The following NRF1 variants were observed in gnomAD, a reference collection of about 807,000 sequenced individuals.
NRF1 encodes the protein nuclear respiratory factor 1.
Under a neutral mutation model 58.5 loss-of-function variants are expected in NRF1, and 5 were observed. The ratio of observed to expected loss-of-function variants is 0.09; its 90% confidence interval spans 0.04 to 0.18. The LOEUF is 0.18. Ranked by LOEUF, NRF1 falls within the 10% of genes least tolerant of loss-of-function variation. The pLI is 1.00. For synonymous variants in NRF1, 224 were observed against 246.7 expected (o/e 0.91, Z 0.86); for missense variants, 288 against 657.7 (o/e 0.44, Z 6.15).
At chr7:129,692,589 AATTT>A (rs770772561) in intron 5 of NRF1, among the ~76,000 whole-genome samples, 1 of 152,030 alleles carries the variant, frequency 6.6e-6, no homozygotes, top group Non-Finnish European at 1.5e-5. Context: ...TGAATGAATA[AATTT>A]ATTTATTTAT....
chr7:129,700,308 G>A (rs1802791075), intron 5 of NRF1, among the ~76,000 whole-genome samples: 1 of 152,032 alleles, frequency 6.6e-6, no homozygotes, highest in South Asian at 2.1e-4. Context: ...TTTTAGTTTG[G>A]TGGTTCTCAA....
At chr7:129,619,289 G>C (rs1800718517) in intron 1 of NRF1, among the ~76,000 whole-genome samples, 1 of 149,204 alleles carries the variant, frequency 6.7e-6, no homozygotes, top group South Asian at 2.1e-4. Context: ...AATGCCGGAG[G>C]ATCGCTTGAA....
chr7:129,675,472 T>A (rs755197532), intron 3 of NRF1, among the ~76,000 whole-genome samples: 1 of 152,236 alleles, frequency 6.6e-6, no homozygotes, highest in Non-Finnish European at 1.5e-5. Context: ...GGAATCACTA[T>A]AGCAGCTATA....
chr7:129,663,249 G>A (rs1044033532), intron 2 of NRF1, among the ~76,000 whole-genome samples: 26 of 152,114 alleles, frequency 1.7e-4, no homozygotes, highest in South Asian at 4.1e-4. Flanking sequence ...ATCATGGCCC[G>A]CTCTCGATGG....
intron 4 of NRF1, among the ~76,000 whole-genome samples, chr7:129,680,636 T>C (rs1411230004): frequency 1.3e-5 from 2 of 152,232 alleles, no homozygotes; most frequent in African/African-American, 4.8e-5. Flanking sequence ...AGTACTGATA[T>C]TATACTACAG....
In NRF1 at chr7:129,710,471, A is replaced by C; in HGVS notation, c.863A>C (p.Gln288Pro). The change falls in exon 7 of 11, where the codon CAA becomes CCA. Residue 288 changes from glutamine (Q) to proline (P), a missense_variant. This residue lies in a region of NRF1 where 212 missense variants were observed against 559.7 expected (regional missense o/e 0.38). Transcript: ENST00000393232. ...LLYAFEDQQT[Q>P]TQATATHSIA... ...TATGCCTTTGAAGATCAGCAAACGC[A>C]AACACAGGCCACAGCCACACATAGT... 6.2e-7 allele frequency: 1 copy of C among 1,613,682 alleles called. No homozygotes were observed. The highest frequency in any genetic ancestry group is 2.2e-5 in the East Asian group (1 of 44,874).
At chr7:129,699,788 G>A (rs1422775931) in intron 5 of NRF1, among the ~76,000 whole-genome samples, 6 of 151,784 alleles carry the variant, frequency 4.0e-5, no homozygotes, top group African/African-American at 1.5e-4. Flanking sequence ...TGGGGAGGTA[G>A]AAGTCAGGAG....
intron 10 of NRF1, 125 bp from the exon 11 acceptor site, chr7:129,754,893 G>C (rs1165325198): frequency 1.2e-6 from 1 of 855,150 alleles, no homozygotes; most frequent in African/African-American, 1.7e-5. Context: ...CTGGGCCATG[G>C]GTATGTGATC....
At chr7:129,629,359 A>G (rs1309382579) in intron 1 of NRF1, among the ~76,000 whole-genome samples, 5 of 150,622 alleles carry the variant, frequency 3.3e-5, no homozygotes, top group Non-Finnish European at 5.9e-5. Context: ...GCTCACTGCA[A>G]CCTCCGCCTC....
intron 10 of NRF1, among the ~76,000 whole-genome samples, chr7:129,746,702 C>T (rs1432893911): frequency 6.6e-6 from 1 of 152,206 alleles, no homozygotes; most frequent in Non-Finnish European, 1.5e-5. Flanking sequence ...GTCCCGGTTC[C>T]CATTTGGGCC....
intron 4 of NRF1, among the ~76,000 whole-genome samples, chr7:129,685,484 G>A (rs149658872): frequency 1.3e-3 from 196 of 151,844 alleles, no homozygotes; most frequent in Non-Finnish European, 2.4e-3. Flanking sequence ...TTGTTAATGT[G>A]TTACCTGTAT....
intron 10 of NRF1, among the ~76,000 whole-genome samples, chr7:129,737,701 G>A (rs1385186844): frequency 6.6e-6 from 1 of 152,130 alleles, no homozygotes; most frequent in African/African-American, 2.4e-5. Context: ...TTGCTGATGT[G>A]CTATTCCAGT....
In NRF1 at chr7:129,720,569, C is replaced by T. The variant is rs1036757161; in HGVS notation, c.1223+3193C>T. On this transcript the variant is annotated intron_variant, in intron 9 of 10. Transcript: ENST00000393232. Reference sequence around the variant, plus strand: ...AAAACAAGCATGGTTCTCTAATAACCACCTGCACCTCTGCTGCAATGTAAA... The same window carrying T: ...AAAACAAGCATGGTTCTCTAATAACTACCTGCACCTCTGCTGCAATGTAAA... Among the ~76,000 whole-genome samples, 3 of 152,270 alleles carry T rather than the reference C, an allele frequency of 2.0e-5. No homozygotes were observed. In the South Asian group the frequency reaches 6.2e-4, roughly 32 times the overall value.
intron 5 of NRF1, among the ~76,000 whole-genome samples, chr7:129,700,771 A>G (rs962007323): frequency 2.0e-5 from 3 of 152,232 alleles, no homozygotes; most frequent in Admixed American, 6.5e-5. Context: ...TTTAAAAATT[A>G]GCCAGGCATG....
intron 1 of NRF1, among the ~76,000 whole-genome samples, chr7:129,613,251 A>G (rs1050368977): frequency 1.3e-5 from 2 of 152,036 alleles, no homozygotes; most frequent in South Asian, 4.2e-4. Flanking sequence ...TTGACCAGTA[A>G]GTAATTGGGA....
At chr7:129,674,250 A>C (rs560288804) in intron 3 of NRF1, among the ~76,000 whole-genome samples, 14 of 152,216 alleles carry the variant, frequency 9.2e-5, no homozygotes, top group African/African-American at 3.1e-4. Flanking sequence ...TTTTAAAAGC[A>C]TAGGTATACC....
At position 129,710,320 on chromosome 7, in the gene NRF1, A is replaced by G. The variant is rs575708258; in HGVS notation, c.766-54A>G. The G allele has an allele frequency of 3.2e-6, 5 of 1,557,014 alleles. No individual in the cohort carries two copies. The East Asian group carries it at 1.1e-4, about 35-fold the overall frequency. ...TAGCTGCTTATTGCATATTGGGACT[A>G]AATAACCAAAGTTCTTTGTGGCTTA... On this transcript the variant is annotated intron_variant, in intron 6 of 10. Coordinates refer to ENST00000393232, the MANE Select transcript of NRF1 (RefSeq NM_005011.5).
chr7:129,666,503 G>A (rs1035471803), intron 2 of NRF1, among the ~76,000 whole-genome samples: 1 of 152,042 alleles, frequency 6.6e-6, no homozygotes, highest in African/African-American at 2.4e-5. Context: ...CTGTTATATG[G>A]TATTCCATTC....
chr7:129,633,269 GTT>G (rs1801091159), intron 1 of NRF1, among the ~76,000 whole-genome samples: 1 of 152,072 alleles, frequency 6.6e-6, no homozygotes, highest in Non-Finnish European at 1.5e-5. Context: ...GTTAAATACT[GTT>G]TTGGTTTTAA....
Sources: gnomAD v4.1 joint callset for allele counts (sites outside exome capture counted in the v4.1 genomes callset) on GRCh38, gnomAD v4.1.1 for gene constraint, gnomAD v4.1.1 regional missense constraint, MANE v1.5 for transcripts, NCBI Gene and HGNC (gene_info 2026-07-23, HGNC 2026-07-21) for gene names.